Variants in ZYG11B observed in about 807,000 individuals in gnomAD.
ZYG11B encodes protein zyg-11 homolog B.
ZYG11B carries 36 observed loss-of-function variants against 82.4 expected under a neutral mutation model. The ratio of observed to expected loss-of-function variants is 0.44; its 90% CI spans 0.33 to 0.58. The LOEUF (loss-of-function observed/expected upper bound fraction) is 0.58. Ranked by LOEUF, ZYG11B falls within the 20% of genes least tolerant of loss-of-function variation. The pLI is 0.02. For missense variants in ZYG11B, 552 were observed against 895.6 expected (o/e 0.62, Z 4.90); for synonymous variants, 303 against 312.8 (o/e 0.97, Z 0.33).
chr1:52,743,422 A>G (rs1040976814), intron 1 of ZYG11B, among the ~76,000 whole-genome samples: 1 of 151,280 alleles, frequency 6.6e-6, no homozygotes, highest in Non-Finnish European at 1.5e-5. Flanking sequence ...AAAAAAAAAA[A>G]AAGTAAAAGT....
chr1:52,813,485 C>G (rs912154987), intron 10 of ZYG11B, 51 bp from the exon 11 acceptor site: 3 of 1,382,378 alleles, frequency 2.2e-6, no homozygotes, highest in Non-Finnish European at 3.0e-6. Context: ...TTATCTTAAC[C>G]ATTTACTATA....
chr1:52,728,467 A>G (rs1644303184), intron 1 of ZYG11B, among the ~76,000 whole-genome samples: 1 of 152,198 alleles, frequency 6.6e-6, no homozygotes, highest in Admixed American at 6.6e-5. Flanking sequence ...TGTGTTGCCC[A>G]GTCTGGTCTT....
At chr1:52,820,952 T>A (rs1157713620) in intron 13 of ZYG11B, among the ~76,000 whole-genome samples, 1 of 151,500 alleles carries the variant, frequency 6.6e-6, no homozygotes, top group Non-Finnish European at 1.5e-5. Context: ...AATAAAAAAA[T>A]TAGCCAGGGG....
At chr1:52,816,655 GT>G in intron 13 of ZYG11B, 26 bp downstream of exon 13, 1 of 1,504,194 alleles carries the variant, frequency 6.6e-7, no homozygotes, top group Non-Finnish European at 9.1e-7. Context: ...AAAGAACTGT[GT>G]TTTTTTTCTT....
chr1:52,778,036 C>T (rs1442294095), intron 3 of ZYG11B, among the ~76,000 whole-genome samples: 1 of 152,128 alleles, frequency 6.6e-6, no homozygotes, highest in African/African-American at 2.4e-5. Flanking sequence ...CCCCAAAGCT[C>T]GCTTCAGCCT....
intron 6 of ZYG11B, among the ~76,000 whole-genome samples, chr1:52,794,770 C>T (rs1360267856): frequency 5.3e-5 from 8 of 152,194 alleles, no homozygotes; most frequent in Non-Finnish European, 4.4e-5. Context: ...TGATTTTTCT[C>T]CTTGTATCCC....
intron 1 of ZYG11B, among the ~76,000 whole-genome samples, chr1:52,747,100 A>G (rs566451886): frequency 1.3e-4 from 20 of 151,948 alleles, no homozygotes; most frequent in African/African-American, 4.6e-4. Context: ...GTTCTACAAG[A>G]AAGTTGTGAG....
chr1:52,785,907 A>G (rs983888973), intron 5 of ZYG11B, among the ~76,000 whole-genome samples: 2 of 152,192 alleles, frequency 1.3e-5, no homozygotes, highest in Non-Finnish European at 2.9e-5. Flanking sequence ...ACTAGATGAA[A>G]TTTAGGCTTT....
chr1:52,741,488 T>C (rs972553719), intron 1 of ZYG11B, among the ~76,000 whole-genome samples: 1 of 152,148 alleles, frequency 6.6e-6, no homozygotes, highest in African/African-American at 2.4e-5. Flanking sequence ...AAGGCTAGAC[T>C]TGGGACTTAA....
At chr1:52,789,000 A>G (rs1167437493) in intron 5 of ZYG11B, among the ~76,000 whole-genome samples, 1 of 152,182 alleles carries the variant, frequency 6.6e-6, no homozygotes, top group Non-Finnish European at 1.5e-5. Flanking sequence ...TCAGATTTAA[A>G]TGGATCCTCA....
chr1:52,736,264 G>C (rs1432166286), intron 1 of ZYG11B, among the ~76,000 whole-genome samples: 2 of 131,402 alleles, frequency 1.5e-5, no homozygotes, highest in Non-Finnish European at 3.1e-5. Flanking sequence ...AATAGTTGTT[G>C]AATGAAAGTG....
intron 2 of ZYG11B, among the ~76,000 whole-genome samples, chr1:52,767,116 T>C (rs997315251): frequency 1.6e-5 from 2 of 123,096 alleles, no homozygotes; most frequent in African/African-American, 9.0e-5. Flanking sequence ...TTTATGTTGT[T>C]ATTTTATTTT....
At chr1:52,819,179 G>A (rs1282377679) in intron 13 of ZYG11B, among the ~76,000 whole-genome samples, 1 of 152,146 alleles carries the variant, frequency 6.6e-6, no homozygotes, top group Non-Finnish European at 1.5e-5. Context: ...CAATGAATGG[G>A]ATGTGACCGA....
rs138689802 is a variant in ZYG11B, at chr1:52,743,822, A to T, written c.31-12636A>T. ...CCTTCACATTCACTATCACTGATTC[A>T]ACTGATATATTCCAAGTACCTTCCA... On this transcript the variant is annotated intron_variant, in intron 1 of 13. Coordinates refer to ENST00000294353, the MANE Select transcript of ZYG11B (RefSeq NM_024646.3). Among the ~76,000 whole-genome samples, 1,008 of 152,300 alleles carry T rather than the reference A, an allele frequency of 6.6e-3. 8 individuals carry two copies. The highest frequency in any genetic ancestry group is 0.023 in the African/African-American group (950 of 41,564).
chr1:52,739,574 T>G (rs567443802), intron 1 of ZYG11B, among the ~76,000 whole-genome samples: 6 of 152,272 alleles, frequency 3.9e-5, no homozygotes, highest in Middle Eastern at 3.4e-3. Flanking sequence ...CAGAGACCTT[T>G]TATTTCAATT....
chr1:52,805,794 A>G (rs1645137370), intron 10 of ZYG11B, among the ~76,000 whole-genome samples: 1 of 152,080 alleles, frequency 6.6e-6, no homozygotes, highest in Admixed American at 6.6e-5. Flanking sequence ...ACGCCACTGT[A>G]CTCCAAGCCT....
At chr1:52,748,182 A>G (rs889319773) in intron 1 of ZYG11B, among the ~76,000 whole-genome samples, 1 of 152,170 alleles carries the variant, frequency 6.6e-6, no homozygotes, top group Non-Finnish European at 1.5e-5. Flanking sequence ...TATTTTCCTC[A>G]TCTTTAAAAT....
At chr1:52,795,157 T>C (rs1644997098) in intron 6 of ZYG11B, among the ~76,000 whole-genome samples, 1 of 151,938 alleles carries the variant, frequency 6.6e-6, no homozygotes, top group Non-Finnish European at 1.5e-5. Flanking sequence ...ATCATGGGGG[T>C]GTTTTCTAAT....
chr1:52,817,901 G>A (rs184934100), intron 13 of ZYG11B, among the ~76,000 whole-genome samples: 1 of 124,286 alleles, frequency 8.0e-6, no homozygotes, highest in East Asian at 2.6e-4. Context: ...GCAGTGGTGC[G>A]ATCTCGGCTC....
Sources: allele counts gnomAD v4.1 joint callset (sites outside exome capture counted in the v4.1 genomes callset), GRCh38; gene constraint gnomAD v4.1.1; transcripts MANE v1.5; gene names NCBI Gene and HGNC (gene_info 2026-07-23, HGNC 2026-07-21).